Variants in GSE1 observed in about 807,000 individuals in gnomAD.
GSE1 encodes the protein Gse1 coiled-coil protein, also known as genetic suppressor element 1.
In GSE1, 32 loss-of-function variants were observed where a neutral mutation model predicts 112.6. That is an observed-to-expected ratio of 0.28 (90% CI 0.21 to 0.38). The LOEUF (loss-of-function observed/expected upper bound fraction) is 0.38. Ranked by LOEUF, GSE1 falls within the 10% of genes least tolerant of loss-of-function variation. GSE1 has a pLI of 1.00. For synonymous variants in GSE1, 1,115 were observed against 735.6 expected (o/e 1.52, Z -8.35); for missense variants, 2,348 against 1,699.2 (o/e 1.38, Z -6.71).
Position 85,377,761 on chromosome 16 carries a change from G to C in GSE1, c.2464+20118G>C, listed in dbSNP as rs550508860. ...CTAGCCCAGGGTGAGCCCCAGATTTGTAAACATGGGCAGGGTTGCAGGAGG... is the reference window on the plus strand; with the variant it reads ...CTAGCCCAGGGTGAGCCCCAGATTTCTAAACATGGGCAGGGTTGCAGGAGG... On this transcript the variant is annotated intron_variant, in intron 2 of 2. Coordinates refer to the GSE1 transcript ENST00000637419. Among the ~76,000 whole-genome samples the C allele has an allele frequency of 7.9e-5, 12 of 152,330 alleles. No individual in the cohort carries two copies. In the East Asian group the frequency reaches 2.3e-3, roughly 29 times the overall value.
chr16:85,346,384 G>C (rs2046737722), intron 1 of GSE1, among the ~76,000 whole-genome samples: 1 of 150,668 alleles, frequency 6.6e-6, no homozygotes, highest in African/African-American at 2.4e-5. Flanking sequence ...CAGGTGGGTG[G>C]ATGATGGATG....
chr16:85,654,864 C>G lies in GSE1; in HGVS notation c.670C>G (p.Pro224Ala), dbSNP rs751492533. 6.2e-7 allele frequency: 1 copy of G among 1,611,698 alleles called. No homozygotes were observed. The highest frequency in any genetic ancestry group is 8.5e-7 in the Non-Finnish European group (1 of 1,179,244). ...VTEDYLRSFRPYHTTDDLRMS... is the reference protein window; with the variant it reads ...VTEDYLRSFRAYHTTDDLRMS... ...CGAGGACTACCTGAGAAGCTTCCGG[C>G]CCTACCACACCACCGACGACCTCCG... Residue 224 changes from proline (P) to alanine (A), a missense_variant, in exon 5 of 16, where the codon CCC becomes GCC. Pro to Ala is a conservative substitution (Grantham distance 27). Transcript: ENST00000253458.
intron 1 of GSE1, among the ~76,000 whole-genome samples, chr16:85,631,476 C>T (rs1265245411): frequency 6.6e-6 from 1 of 152,266 alleles, no homozygotes; most frequent in African/African-American, 2.4e-5. Flanking sequence ...GCCAGCTTGA[C>T]ACCATGTGCC....
chr16:85,471,262 G>A lies in GSE1; in HGVS notation c.2464+113619G>A, dbSNP rs138827657. Among the ~76,000 whole-genome samples, 775 of 152,304 alleles carry A rather than the reference G, an allele frequency of 5.1e-3. 6 individuals are homozygous for A. The highest frequency in any genetic ancestry group is 0.018 in the African/African-American group (743 of 41,546). ...AGCTCCAGGGGTGGCTGAGTGTAGG[G>A]ATCTGCCAGTCCCAATGCCACCTTA... On this transcript the variant is annotated intron_variant, in intron 2 of 2. Transcript: ENST00000637419.
intron 2 of GSE1, among the ~76,000 whole-genome samples, chr16:85,637,463 G>A (rs1330165420): frequency 6.6e-6 from 1 of 151,726 alleles, no homozygotes. Context: ...CAGTGGCTGT[G>A]CCCCCTTGAT....
intron 1 of GSE1, among the ~76,000 whole-genome samples, chr16:85,250,616 G>A (rs1906364273): frequency 6.6e-6 from 1 of 152,188 alleles, no homozygotes; most frequent in South Asian, 2.1e-4. Context: ...TATGAAAAAT[G>A]GCATTTTGTA....
At chr16:85,326,001 C>G (rs932027140) in intron 1 of GSE1, among the ~76,000 whole-genome samples, 3 of 152,170 alleles carry the variant, frequency 2.0e-5, no homozygotes, top group African/African-American at 7.2e-5. Flanking sequence ...CCCGCCTCAG[C>G]CTCCCAAAGT....
At chr16:85,498,806 T>C (rs555214906) in intron 2 of GSE1, among the ~76,000 whole-genome samples, 1 of 152,312 alleles carries the variant, frequency 6.6e-6, no homozygotes, top group Non-Finnish European at 1.5e-5. Context: ...CAGGCCTCAC[T>C]TGGGCTCCAG....
rs973297349 is a variant in GSE1 at position 85,676,114 on chromosome 16, T to G, written c.*3575T>G. 6.5e-6 allele frequency: 1 copy of G among 152,680 alleles called. No homozygotes were observed. The highest frequency in any genetic ancestry group is 2.4e-5 in the African/African-American group (1 of 41,466). 9.5% of individuals were successfully genotyped at this position (152,680 alleles called of 1,614,324 possible). ...TGTTTGAATTAATTGTATTGTAATA[T>G]TATTTGTTGAATGTAGTAATTAGGT... is the stretch of plus-strand genomic sequence containing the variant. On this transcript the variant is annotated 3_prime_UTR_variant, in exon 16 of 16. Coordinates refer to ENST00000253458, the MANE Select transcript of GSE1 (RefSeq NM_014615.5).
At chr16:85,237,063 T>C (rs1318217037) in intron 1 of GSE1, among the ~76,000 whole-genome samples, 1 of 152,174 alleles carries the variant, frequency 6.6e-6, no homozygotes, top group African/African-American at 2.4e-5. Context: ...CCGTGGCTCA[T>C]GCCTGTAATC....
intron 2 of GSE1, among the ~76,000 whole-genome samples, chr16:85,386,429 G>A (rs1027861298): frequency 5.9e-5 from 9 of 152,200 alleles, no homozygotes; most frequent in Admixed American, 1.3e-4. Context: ...AAGATATGAC[G>A]TAACGCACGG....
chr16:85,560,775 G>T (rs1272743904), intron 1 of GSE1, among the ~76,000 whole-genome samples: 2 of 152,050 alleles, frequency 1.3e-5, no homozygotes, highest in Admixed American at 6.6e-5. Flanking sequence ...CGCAGACTGG[G>T]TGTCTCCTTT....
chr16:85,502,017 C>A (rs2051385299), intron 2 of GSE1, among the ~76,000 whole-genome samples: 1 of 152,172 alleles, frequency 6.6e-6, no homozygotes, highest in African/African-American at 2.4e-5. Flanking sequence ...AGATGTCCAC[C>A]AAGAGCTCTC....
chr16:85,534,828 A>G (rs1260348675), intron 2 of GSE1, among the ~76,000 whole-genome samples: 1 of 152,128 alleles, frequency 6.6e-6, no homozygotes, highest in African/African-American at 2.4e-5. Flanking sequence ...GCGTGTATTG[A>G]TAGCCTGTTC....
At chr16:85,493,359 T>C (rs2051069845) in intron 2 of GSE1, among the ~76,000 whole-genome samples, 1 of 151,904 alleles carries the variant, frequency 6.6e-6, no homozygotes, top group African/African-American at 2.4e-5. Context: ...GGCAGGAGGA[T>C]TGCTTGAGTC....
intron 1 of GSE1, among the ~76,000 whole-genome samples, chr16:85,271,965 C>T (rs747718517): frequency 1.7e-4 from 26 of 152,218 alleles, no homozygotes; most frequent in Non-Finnish European, 2.5e-4. Flanking sequence ...GTCTGCAGGA[C>T]GCCTTTCTGC....
chr16:85,615,758 C>A (rs1317818221), intron 1 of GSE1, among the ~76,000 whole-genome samples: 1 of 152,216 alleles, frequency 6.6e-6, no homozygotes, highest in Non-Finnish European at 1.5e-5. Context: ...TTGTACATCT[C>A]CAAACTCGGT....
chr16:85,261,786 T>C (rs1907718308), intron 1 of GSE1, among the ~76,000 whole-genome samples: 1 of 152,178 alleles, frequency 6.6e-6, no homozygotes, highest in African/African-American at 2.4e-5. Context: ...GTCCCCAGTC[T>C]ACAGACAAGG....
chr16:85,382,961 A>G (rs757156633), intron 2 of GSE1, among the ~76,000 whole-genome samples: 16 of 149,268 alleles, frequency 1.1e-4, no homozygotes, highest in Middle Eastern at 3.4e-3. Context: ...ACACACGTGC[A>G]CACACATGCA....
Sources: gnomAD v4.1 joint callset for allele counts (sites outside exome capture counted in the v4.1 genomes callset) on GRCh38, gnomAD v4.1.1 for gene constraint, MANE v1.5 for transcripts, NCBI Gene and HGNC (gene_info 2026-07-23, HGNC 2026-07-21) for gene names.